Variants in HCK observed in about 807,000 individuals in gnomAD.
The protein encoded by HCK is tyrosine-protein kinase HCK.
A neutral mutation model predicts 70.4 loss-of-function variants in HCK; 40 were observed. The ratio of observed to expected loss-of-function variants is 0.57; its 90% CI spans 0.44 to 0.74. The LOEUF (loss-of-function observed/expected upper bound fraction) is 0.74. Ranked by LOEUF, HCK falls within the 30% of genes least tolerant of loss-of-function variation. The pLI, the probability that HCK is intolerant of heterozygous loss-of-function variation, is 0.00. For synonymous variants in HCK, 245 were observed against 263.2 expected, an observed-to-expected ratio of 0.93 and a Z score of 0.67; for missense variants, 568 against 697.2, an observed-to-expected ratio of 0.81 and a Z score of 2.09.
At chr20:32,089,859 G>C (rs548549562) in intron 10 of HCK, among the ~76,000 whole-genome samples, 1 of 152,382 alleles carries the variant, frequency 6.6e-6, no homozygotes, top group East Asian at 1.9e-4. Flanking sequence ...TTCAGTAGAT[G>C]AAGAGAAAAG....
chr20:32,084,093 T>G, intron 7 of HCK, 50 bp downstream of exon 7: 1 of 1,588,746 alleles, frequency 6.3e-7, no homozygotes, highest in Non-Finnish European at 8.6e-7. Context: ...GCCCACAGAC[T>G]CCTAGTCACG....
chr20:32,079,726 G>C, intron 5 of HCK, 48 bp from the exon 6 acceptor site: 1 of 1,327,684 alleles, frequency 7.5e-7, no homozygotes, highest in Non-Finnish European at 1.1e-6. Flanking sequence ...AGGCCGGACA[G>C]GACTGCATGA....
intron 5 of HCK, among the ~76,000 whole-genome samples, chr20:32,075,961 A>T (rs1482217959): frequency 6.6e-6 from 1 of 152,146 alleles, no homozygotes; most frequent in East Asian, 1.9e-4. Flanking sequence ...TTCTAGCTAG[A>T]TGGTATTATG....
chr20:32,075,182 G>A (rs1036451820), intron 5 of HCK, among the ~76,000 whole-genome samples: 4 of 151,932 alleles, frequency 2.6e-5, no homozygotes, highest in African/African-American at 9.7e-5. Flanking sequence ...CTGGCCAGTC[G>A]TCCCTCATTT....
intron 11 of HCK, among the ~76,000 whole-genome samples, chr20:32,096,215 G>A (rs2045952633): frequency 6.6e-6 from 1 of 151,564 alleles, no homozygotes; most frequent in Non-Finnish European, 1.5e-5. Context: ...AGAGACGGGT[G>A]CGGCCGGGCA....
At chr20:32,067,069 A>G (rs2045469669) in intron 1 of HCK, among the ~76,000 whole-genome samples, 1 of 152,224 alleles carries the variant, frequency 6.6e-6, no homozygotes, top group Admixed American at 6.5e-5. Flanking sequence ...TTACTAACAT[A>G]CACGTAGGCA....
rs1247644396 is a variant in HCK at position 32,099,096 on chromosome 20, C to A, written c.1339C>A (p.Leu447Met). The A allele has an allele frequency of 6.2e-7, 1 of 1,614,070 alleles. No individual in the cohort carries two copies. The highest frequency in any genetic ancestry group is 8.5e-7 in the Non-Finnish European group (1 of 1,180,032). The change falls in exon 12 of 13, where the codon CTG becomes ATG. Residue 447 changes from leucine (L) to methionine (M), a missense_variant. Coordinates refer to ENST00000375852, the MANE Select transcript of HCK (RefSeq NM_002110.5). ...AGACGTCTGGTCCTTTGGTATCCTGCTGATGGAGATCGTCACCTACGGCCG... is the reference window on the plus strand; with the variant it reads ...AGACGTCTGGTCCTTTGGTATCCTGATGATGGAGATCGTCACCTACGGCCG...
chr20:32,066,331 T>TTTTTTTTTA, intron 1 of HCK, among the ~76,000 whole-genome samples: 1 of 81,910 alleles, frequency 1.2e-5, no homozygotes, highest in Non-Finnish European at 2.3e-5. Flanking sequence ...TTTTTTTTTT[T>TTTTTTTTTA]GACAGAGTCT....
chr20:32,083,527 T>A (rs2045735991), intron 6 of HCK, among the ~76,000 whole-genome samples: 1 of 152,140 alleles, frequency 6.6e-6, no homozygotes, highest in Non-Finnish European at 1.5e-5. Flanking sequence ...ATAATGAAGA[T>A]GATGATGATG....
chr20:32,094,729 GAAAGAAAGAAAGA>G (rs1333562805), intron 11 of HCK, among the ~76,000 whole-genome samples: 1 of 128,754 alleles, frequency 7.8e-6, no homozygotes, highest in Non-Finnish European at 1.7e-5. Context: ...AAGAAAGAAA[GAAAGAAAGAAAGA>G]AAGAAAGAAA....
At chr20:32,097,527 C>T (rs188898660) in intron 11 of HCK, among the ~76,000 whole-genome samples, 128 of 152,252 alleles carry the variant, frequency 8.4e-4, no homozygotes, top group Non-Finnish European at 1.5e-3. Context: ...TTGCAGTGAG[C>T]TGAGATGACA....
At position 32,052,414 on chromosome 20, in the gene HCK, G is replaced by A; in HGVS notation, c.-11G>A. On this transcript the variant is annotated 5_prime_UTR_variant, in exon 1 of 13. Coordinates refer to ENST00000375852, the MANE Select transcript of HCK (RefSeq NM_002110.5). ...CGGCACTGGCACCCCGGAACCTCAG[G>A]GGCTGCCGAGCTGGGGGGGCGCTCA... The A allele has an allele frequency of 7.8e-7, 1 of 1,286,806 alleles. No individual in the cohort carries two copies. The highest frequency in any genetic ancestry group is 2.6e-5 in the South Asian group (1 of 37,960). The allele number at this position is 1,286,806 out of a possible 1,614,324, so 79.7% of individuals were successfully genotyped here. A position where few individuals can be genotyped will look rare whatever the true frequency, so the allele number is the denominator to read the frequency against.
intron 10 of HCK, among the ~76,000 whole-genome samples, chr20:32,091,385 C>T (rs552444124): frequency 8.5e-5 from 13 of 152,314 alleles, no homozygotes; most frequent in African/African-American, 3.1e-4. Flanking sequence ...GGGCCACTTA[C>T]CTATTTCTCT....
At chr20:32,064,760 T>C (rs890846932) in intron 1 of HCK, among the ~76,000 whole-genome samples, 97 of 152,344 alleles carry the variant, frequency 6.4e-4, no homozygotes, top group Non-Finnish European at 8.8e-5. Flanking sequence ...GCCGAGTCTC[T>C]GAGTTTTCCA....
At chr20:32,072,158 G>A (rs2045550072) in intron 2 of HCK, 1 of 209,514 alleles carries the variant, frequency 4.8e-6, no homozygotes, top group Admixed American at 5.3e-5. Flanking sequence ...CAAAAATACA[G>A]TAACAATTGT....
Position 32,075,648 on chromosome 20 carries a change from T to C in HCK, c.428+927T>C, listed in dbSNP as rs115232410. 6.4e-3 allele frequency among the ~76,000 whole-genome samples: 972 copies of C among 152,316 alleles called. 11 individuals carry two copies. The highest frequency in any genetic ancestry group is 0.021 in the African/African-American group (893 of 41,564). The stretch of plus-strand genomic sequence containing the variant: ...CATCGTTCTTGGCTGTGGGTTCTTC[T>C]TGTGTCTAGCTTGACTCTAAAAATA... On this transcript the variant is annotated intron_variant, in intron 5 of 12. Coordinates refer to ENST00000375852, the MANE Select transcript of HCK (RefSeq NM_002110.5).
rs2045586986 is a variant in HCK at position 32,074,185 on chromosome 20, C to T, written c.329+367C>T. On this transcript the variant is annotated intron_variant, in intron 4 of 12. Coordinates refer to ENST00000375852, the MANE Select transcript of HCK (RefSeq NM_002110.5). The stretch of plus-strand genomic sequence containing the variant: ...CACCTCGGATCTCCTACAGCCTTCA[C>T]CATCATGGGTATAGTGTCCAGGATG... Among the ~76,000 whole-genome samples the T allele has an allele frequency of 2.0e-5, 3 of 152,174 alleles. No homozygotes were observed. The South Asian group carries it at 6.2e-4, about 32-fold the overall frequency.
chr20:32,093,868 A>G lies in HCK; in HGVS notation c.1098A>G (p.Ala366=). 1 of 1,611,092 alleles carries G rather than the reference A, an allele frequency of 6.2e-7. No homozygotes were observed. The highest frequency in any genetic ancestry group is 8.5e-7 in the Non-Finnish European group (1 of 1,178,672). ...TGTCTCTGTTTGGGGTGCAGATTGC[A>G]GAAGGCATGGCCTTCATCGAGCAGA... Residue 366 remains alanine (A), a synonymous_variant, in exon 11 of 13, where the codon GCA becomes GCG. Transcript: ENST00000375852.
chr20:32,101,174 G>A lies in HCK; in HGVS notation c.1379-143G>A, dbSNP rs2046027573. ...CTAGCTGCAAGTGAAGCTGAGGGTG[G>A]AAGTCTGTCTTTCACAGTGGAAGGG... On this transcript the variant is annotated intron_variant, in intron 12 of 12. Coordinates refer to ENST00000375852, the MANE Select transcript of HCK (RefSeq NM_002110.5). 7 of 713,336 alleles carry A rather than the reference G, an allele frequency of 9.8e-6. No homozygotes were observed. The South Asian group carries it at 1.3e-4, about 13-fold the overall frequency. 44.2% of individuals were successfully genotyped at this position (713,336 alleles called of 1,614,324 possible).
Sources: allele counts gnomAD v4.1 joint callset (sites outside exome capture counted in the v4.1 genomes callset), GRCh38; gene constraint gnomAD v4.1.1; transcripts MANE v1.5; gene names NCBI Gene and HGNC (gene_info 2026-07-23, HGNC 2026-07-21).